Variants in AKAIN1 observed in about 807,000 individuals in gnomAD.
The protein encoded by AKAIN1 is A-kinase anchor inhibitor 1.
AKAIN1 carries 3 observed loss-of-function variants against 3.7 expected under a neutral mutation model. That is an observed-to-expected ratio of 0.82 (90% CI 0.37 to 2.12). AKAIN1 has a LOEUF of 2.12. Among genes scored for constraint, AKAIN1 ranks in the 30% most tolerant of loss-of-function variants. The pLI is 0.06. For synonymous variants in AKAIN1, 31 were observed against 30.8 expected (o/e 1.01, Z -0.02); for missense variants, 82 against 82.7 (o/e 0.99, Z 0.03).
intron 1 of AKAIN1, among the ~76,000 whole-genome samples, chr18:5,165,052 C>G (rs1166409682): frequency 6.6e-6 from 1 of 152,004 alleles, no homozygotes; most frequent in African/African-American, 2.4e-5. Flanking sequence ...TCATTCCCTG[C>G]TGTGTACAAT....
intron 1 of AKAIN1, among the ~76,000 whole-genome samples, chr18:5,191,636 A>G (rs186532449): frequency 6.6e-6 from 1 of 152,070 alleles, no homozygotes; most frequent in Admixed American, 6.5e-5. Flanking sequence ...AGGCAACCTG[A>G]CTCTAAAATT....
chr18:5,195,088 G>T (rs2071340250), intron 1 of AKAIN1, among the ~76,000 whole-genome samples: 4 of 151,954 alleles, frequency 2.6e-5, no homozygotes, highest in Non-Finnish European at 5.9e-5. Context: ...TTAGCATCCT[G>T]TTCTTATTGT....
intron 1 of AKAIN1, among the ~76,000 whole-genome samples, chr18:5,191,528 A>T (rs2071318512): frequency 6.6e-6 from 1 of 152,162 alleles, no homozygotes; most frequent in South Asian, 2.1e-4. Context: ...CTGTTTATGA[A>T]TTGGGGCTCA....
Position 5,145,502 on chromosome 18 carries a change from C to A in AKAIN1, c.*60G>T. On this transcript the variant is annotated 3_prime_UTR_variant, in exon 2 of 2. Coordinates refer to ENST00000434239, the MANE Select transcript of AKAIN1 (RefSeq NM_001145194.2). ...CTTTACTGGCAACATTTTGGAGATG[C>A]GTCCTATACTAAGAGGAAGGCTAGA... 2 of 1,384,486 alleles carry A rather than the reference C, an allele frequency of 1.4e-6. No individual in the cohort carries two copies. The highest frequency in any genetic ancestry group is 9.8e-7 in the Non-Finnish European group (1 of 1,015,662). The allele number at this position is 1,384,486 out of a possible 1,614,324, so 85.8% of individuals were successfully genotyped here.
chr18:5,170,084 A>G (rs1446462774), intron 1 of AKAIN1, among the ~76,000 whole-genome samples: 2 of 152,224 alleles, frequency 1.3e-5, no homozygotes, highest in Non-Finnish European at 2.9e-5. Context: ...TAACAAAAAT[A>G]CTGCCTATCG....
chr18:5,157,042 T>C (rs1290480691), intron 1 of AKAIN1, among the ~76,000 whole-genome samples: 1 of 152,256 alleles, frequency 6.6e-6, no homozygotes, highest in East Asian at 1.9e-4. Context: ...AGGAACAATG[T>C]GATAACTAAG....
intron 1 of AKAIN1, among the ~76,000 whole-genome samples, chr18:5,156,490 C>T (rs1227607700): frequency 6.6e-6 from 1 of 152,144 alleles, no homozygotes; most frequent in Non-Finnish European, 1.5e-5. Flanking sequence ...TATCCTCTGC[C>T]ATAAAATAAA....
intron 1 of AKAIN1, among the ~76,000 whole-genome samples, chr18:5,187,705 T>C (rs1209289481): frequency 6.6e-6 from 1 of 152,066 alleles, no homozygotes; most frequent in African/African-American, 2.4e-5. Flanking sequence ...TAAACATGAG[T>C]TTTGGAGGGA....
In AKAIN1 at chr18:5,197,149, G is replaced by C; in HGVS notation, c.-96C>G. ...GGACTTGGCGGGGTCCGGTGCAGGA[G>C]GGCGCGCTGGGCGGGCGGCGGGCGG... On this transcript the variant is annotated 5_prime_UTR_variant, in exon 1 of 2. Coordinates refer to ENST00000434239, the MANE Select transcript of AKAIN1 (RefSeq NM_001145194.2). This position sits in a 1 kb window ranked among gnomAD's most constrained non-coding sequence, Gnocchi z 6.9. 4 of 1,529,276 alleles carry C rather than the reference G, an allele frequency of 2.6e-6. No individual in the cohort carries two copies. In the Admixed American group the frequency reaches 8.0e-5, roughly 31 times the overall value. The allele number at this position is 1,529,276 out of a possible 1,614,324, so 94.7% of individuals were successfully genotyped here.
chr18:5,191,657 G>T (rs1380638468), intron 1 of AKAIN1, among the ~76,000 whole-genome samples: 1 of 151,828 alleles, frequency 6.6e-6, no homozygotes, highest in African/African-American at 2.4e-5. Flanking sequence ...TATATGGAAA[G>T]GTAAAGGAAC....
At chr18:5,190,504 T>C (rs184909667) in intron 1 of AKAIN1, among the ~76,000 whole-genome samples, 21 of 152,274 alleles carry the variant, frequency 1.4e-4, no homozygotes, top group Middle Eastern at 3.4e-3. Context: ...TATAACCATA[T>C]AGTTTTACTG....
chr18:5,154,513 G>A (rs953240726), intron 1 of AKAIN1, among the ~76,000 whole-genome samples: 8 of 152,014 alleles, frequency 5.3e-5, no homozygotes, highest in African/African-American at 1.9e-4. Context: ...CTTGCAGTCA[G>A]TAGGAACTCT....
At chr18:5,157,655 CACTT>C (rs1326699425) in intron 1 of AKAIN1, among the ~76,000 whole-genome samples, 4 of 152,072 alleles carry the variant, frequency 2.6e-5, no homozygotes, top group African/African-American at 7.2e-5. Flanking sequence ...GACTCGTTAC[CACTT>C]ACTTTATTTT....
intron 1 of AKAIN1, among the ~76,000 whole-genome samples, chr18:5,182,437 T>A (rs143485965): frequency 6.6e-6 from 1 of 152,256 alleles, no homozygotes; most frequent in East Asian, 1.9e-4. Context: ...AAAACAGATA[T>A]TATGATATTC....
intron 1 of AKAIN1, among the ~76,000 whole-genome samples, chr18:5,191,618 G>A (rs1215258837): frequency 6.6e-6 from 1 of 151,978 alleles, no homozygotes; most frequent in Non-Finnish European, 1.5e-5. Context: ...AGGATTTTAT[G>A]TAGATATAGG....
intron 1 of AKAIN1, among the ~76,000 whole-genome samples, chr18:5,177,112 C>T (rs2071231075): frequency 6.6e-6 from 1 of 152,082 alleles, no homozygotes; most frequent in African/African-American, 2.4e-5. Flanking sequence ...CTAAGGATAT[C>T]ATAGAATTCT....
chr18:5,154,219 A>G (rs1413998639), intron 1 of AKAIN1, among the ~76,000 whole-genome samples: 1 of 152,242 alleles, frequency 6.6e-6, no homozygotes, highest in African/African-American at 2.4e-5. Flanking sequence ...GCTACATTAA[A>G]ATAATTGGTT....
In AKAIN1 at chr18:5,190,155, G is replaced by T. The variant is rs183077356; in HGVS notation, c.16+6883C>A. 3.9e-3 allele frequency among the ~76,000 whole-genome samples: 594 copies of T among 152,234 alleles called. 4 individuals carry two copies. The highest frequency in any genetic ancestry group is 0.014 in the African/African-American group (566 of 41,534). On this transcript the variant is annotated intron_variant, in intron 1 of 1. Coordinates refer to ENST00000434239, the MANE Select transcript of AKAIN1 (RefSeq NM_001145194.2). ...ATCCTCTTATCAACAGCTCACTTCT[G>T]CGATAACTAATTACTCACTCTTGCA... is the stretch of plus-strand genomic sequence containing the variant.
chr18:5,169,084 T>G (rs1464634999), intron 1 of AKAIN1, among the ~76,000 whole-genome samples: 2 of 151,952 alleles, frequency 1.3e-5, no homozygotes, highest in Non-Finnish European at 2.9e-5. Flanking sequence ...AGGGAAGAGT[T>G]AACGTTGCAG....
Sources: gnomAD v4.1 joint callset for allele counts (sites outside exome capture counted in the v4.1 genomes callset) on GRCh38, gnomAD v4.1.1 for gene constraint, Gnocchi (gnomAD v3.1) non-coding constraint, MANE v1.5 for transcripts, NCBI Gene and HGNC (gene_info 2026-07-23, HGNC 2026-07-21) for gene names.